Variants in STX16 observed in about 807,000 individuals in gnomAD.
The protein encoded by STX16 is syntaxin 16, also known as syntaxin-16.
STX16 carries 28 observed loss-of-function variants against 42.7 expected under a neutral mutation model. The ratio of observed to expected loss-of-function variants is 0.66; its 90% CI spans 0.49 to 0.90. The LOEUF (loss-of-function observed/expected upper bound fraction) is 0.90, where lower values mean the gene tolerates loss of function less well. Ranked by LOEUF, STX16 falls within the 40% of genes least tolerant of loss-of-function variation. The probability of loss-of-function intolerance (pLI) is 0.00; values close to 1 mark genes in which losing one functional copy is unlikely to be tolerated. For missense variants in STX16, 361 were observed against 420.9 expected, an observed-to-expected ratio of 0.86 and a Z score of 1.24; for synonymous variants, 156 against 155.2, an observed-to-expected ratio of 1.00 and a Z score of -0.04.
rs1346751121 is a variant in STX16 at position 58,677,578 on chromosome 20, G to T, written c.*1287G>T. 1.3e-5 allele frequency: 2 copies of T among 152,144 alleles called. No homozygotes were observed. Among genetic ancestry groups the T allele is most frequent in the Non-Finnish European group, 1.5e-5 (1 of 68,018 alleles). The allele number at this position is 152,144 out of a possible 1,614,324, so 9.4% of individuals were successfully genotyped here. A position where few individuals can be genotyped will look rare whatever the true frequency, so the allele number is the denominator to read the frequency against. ...CTTTGAAGTTGTTCATGTTTTATTGGCTTTGTTTTAATTGACACTAGTAGA... is the reference window on the plus strand; with the variant it reads ...CTTTGAAGTTGTTCATGTTTTATTGTCTTTGTTTTAATTGACACTAGTAGA... On this transcript the variant is annotated 3_prime_UTR_variant, in exon 9 of 9. Transcript: ENST00000371141.
chr20:58,668,512 A>C (rs2083894553), intron 4 of STX16, among the ~76,000 whole-genome samples: 1 of 152,178 alleles, frequency 6.6e-6, no homozygotes, highest in South Asian at 2.1e-4. Context: ...ATTTTTTATA[A>C]ATATTAAATT....
chr20:58,661,358 T>C (rs2083694613), intron 2 of STX16, among the ~76,000 whole-genome samples: 1 of 152,236 alleles, frequency 6.6e-6, no homozygotes, highest in East Asian at 1.9e-4. Flanking sequence ...CTGCATGAAC[T>C]TGGCAGGCCC....
chr20:58,656,315 G>C (rs1461975839), intron 1 of STX16, among the ~76,000 whole-genome samples: 1 of 152,220 alleles, frequency 6.6e-6, no homozygotes, highest in African/African-American at 2.4e-5. Flanking sequence ...GTTACTGACA[G>C]AAATCCTTAG....
At chr20:58,655,062 A>C (rs1484276738) in intron 1 of STX16, among the ~76,000 whole-genome samples, 1 of 152,236 alleles carries the variant, frequency 6.6e-6, no homozygotes, top group Non-Finnish European at 1.5e-5. Context: ...GAAAGGAAGA[A>C]ATTAAACCTA....
intron 5 of STX16, among the ~76,000 whole-genome samples, chr20:58,669,725 G>T (rs1387541111): frequency 6.6e-6 from 1 of 152,172 alleles, no homozygotes. Flanking sequence ...CAAGCTGCAA[G>T]AATTTGAAAA....
intron 1 of STX16, among the ~76,000 whole-genome samples, chr20:58,656,063 T>A (rs1047951031): frequency 5.9e-5 from 9 of 152,190 alleles, no homozygotes; most frequent in Non-Finnish European, 1.0e-4. Context: ...AATCTGAGAA[T>A]TGAGGCCTAA....
chr20:58,674,776 A>C (rs2084063828), intron 8 of STX16, among the ~76,000 whole-genome samples: 1 of 152,222 alleles, frequency 6.6e-6, no homozygotes, highest in South Asian at 2.1e-4. Flanking sequence ...ATTAAAAGTG[A>C]AAACTAACTT....
rs2084206928 is a variant in STX16 at position 58,678,999 on chromosome 20, T to C, written c.*2708T>C. ...AGGGCAGGCTCCCTCTGGGCATCCC[T>C]GGATGCAGCCTCTGGACACATGCCT... On this transcript the variant is annotated 3_prime_UTR_variant, in exon 9 of 9. Transcript: ENST00000371141. 6.6e-6 allele frequency: 1 copy of C among 152,276 alleles called. No homozygotes were observed. Among genetic ancestry groups the C allele is most frequent in the South Asian group, 2.1e-4 (1 of 4,832 alleles). 9.4% of individuals were successfully genotyped at this position (152,276 alleles called of 1,614,324 possible).
At chr20:58,673,030 A>G (rs1041554072) in intron 7 of STX16, among the ~76,000 whole-genome samples, 4 of 152,142 alleles carry the variant, frequency 2.6e-5, no homozygotes, top group Non-Finnish European at 5.9e-5. Flanking sequence ...GTTCTTCCTC[A>G]TAGCCCAGTG....
chr20:58,652,371 A>ACCCCCCCCC (rs11481928), intron 1 of STX16: 66 of 462,004 alleles, frequency 1.4e-4, no homozygotes, highest in African/African-American at 6.6e-4. Flanking sequence ...CTTCCGCAGC[A>ACCCCCCCCC]CCCCCCCCCC....
At chr20:58,672,552 G>C (rs994663748) in intron 7 of STX16, among the ~76,000 whole-genome samples, 1 of 151,666 alleles carries the variant, frequency 6.6e-6, no homozygotes, top group Non-Finnish European at 1.5e-5. Flanking sequence ...TTCAGATAAG[G>C]GATACTCAGC....
At chr20:58,669,254 C>T (rs1465391272) in intron 4 of STX16, 37 bp from the exon 5 acceptor site, 5 of 1,603,328 alleles carry the variant, frequency 3.1e-6, no homozygotes, top group Non-Finnish European at 4.2e-6. Flanking sequence ...GGGCTTCTCT[C>T]CCAGGCTTGC....
intron 7 of STX16, among the ~76,000 whole-genome samples, chr20:58,672,582 C>T (rs886190975): frequency 9.9e-5 from 15 of 152,044 alleles, no homozygotes; most frequent in South Asian, 4.1e-4. Context: ...TGTGTATTTA[C>T]AAATTATATA....
rs1442447450 is a variant in STX16, at chr20:58,651,616, C to T, written c.-391C>T. 1 of 197,956 alleles carries T rather than the reference C, an allele frequency of 5.1e-6. No homozygotes were observed. Among genetic ancestry groups the T allele is most frequent in the Admixed American group, 5.4e-5 (1 of 18,614 alleles). The allele number at this position is 197,956 out of a possible 1,614,324, so 12.3% of individuals were successfully genotyped here. Reference sequence around the variant, plus strand: ...GTTAGGGGTAGAGAGCAGAGACCTCCGGGGGGTCTCAGGGAGTAGGGGGCT... The same window carrying T: ...GTTAGGGGTAGAGAGCAGAGACCTCTGGGGGGTCTCAGGGAGTAGGGGGCT... On this transcript the variant is annotated 5_prime_UTR_variant, in exon 1 of 9. Coordinates refer to ENST00000371141, the MANE Select transcript of STX16 (RefSeq NM_001001433.3).
chr20:58,652,977 CT>C lies in STX16; in HGVS notation c.132+842del, dbSNP rs939713462. ...TGTTTTTAATGGGGGCTACTTTTCC[CT>C]TTCTGAGCCTCAGTTTACTGCTCTG... On this transcript the variant is annotated intron_variant, in intron 1 of 8. Coordinates refer to ENST00000371141, the MANE Select transcript of STX16 (RefSeq NM_001001433.3). Among the ~76,000 whole-genome samples, 7 of 152,060 alleles carry C rather than the reference CT, an allele frequency of 4.6e-5. No homozygotes were observed. In the East Asian group the frequency reaches 1.4e-3, roughly 29 times the overall value.
In STX16 at chr20:58,652,378, C is replaced by CA. The variant is rs1555838373; in HGVS notation, c.132+240_132+241insA. 55 of 587,738 alleles carry CA rather than the reference C, an allele frequency of 9.4e-5. 1 individual carries two copies. Among genetic ancestry groups the CA allele is most frequent in the Non-Finnish European group, 1.5e-4 (47 of 320,886 alleles). 36.4% of individuals were successfully genotyped at this position (587,738 alleles called of 1,614,324 possible). A position where few individuals can be genotyped will look rare whatever the true frequency, so the allele number is the denominator to read the frequency against. On this transcript the variant is annotated intron_variant, in intron 1 of 8. Coordinates refer to ENST00000371141, the MANE Select transcript of STX16 (RefSeq NM_001001433.3). ...TCTCCTCACTTCCGCAGCACCCCCC[C>CA]CCCCGCACCCCCCGCCTTGGCGTCA...
At chr20:58,671,112 G>C in intron 6 of STX16, 42 bp from the exon 7 acceptor site, 1 of 1,551,912 alleles carries the variant, frequency 6.4e-7, no homozygotes. Context: ...TTTCCTGAGA[G>C]GGAAAACAAT....
chr20:58,669,498 G>A (rs2083920797), intron 5 of STX16, 45 bp downstream of exon 5: 1 of 1,561,854 alleles, frequency 6.4e-7, no homozygotes, highest in Non-Finnish European at 8.6e-7. Flanking sequence ...AGTAAGAAAA[G>A]CACTTTATGT....
intron 7 of STX16, among the ~76,000 whole-genome samples, chr20:58,672,452 T>A (rs1187902257): frequency 6.6e-6 from 1 of 151,892 alleles, no homozygotes; most frequent in Non-Finnish European, 1.5e-5. Context: ...TAGACTTGGG[T>A]CCCATCCAGA....
Sources: gnomAD v4.1 joint callset for allele counts (sites outside exome capture counted in the v4.1 genomes callset) on GRCh38, gnomAD v4.1.1 for gene constraint, MANE v1.5 for transcripts, NCBI Gene and HGNC (gene_info 2026-07-23, HGNC 2026-07-21) for gene names.